RAB7B: variants seen among roughly 807,000 people sequenced by gnomAD.
RAB7B encodes the protein ras-related protein Rab-7b.
chr1:205,992,659 T>C lies in RAB7B; in HGVS notation c.217A>G (p.Met73Val), dbSNP rs1349213747. 5.0e-6 allele frequency: 2 copies of C among 398,670 alleles called. No homozygotes were observed. Among genetic ancestry groups the C allele is most frequent in the Non-Finnish European group, 8.8e-6 (2 of 226,200 alleles). 24.7% of individuals were successfully genotyped at this position (398,670 alleles called of 1,614,324 possible). The part of the protein sequence containing the change: ...DTGGQERFRS[M>V]VSTFYKGSDG... ...GAGCCCTTGTAGAACGTGGACACCA[T>C]GGAGCGGAACCGCTCCTGACCGCCC... The change falls in exon 4 of 6, where the codon ATG (methionine) becomes GTG (valine). Residue 73 changes from methionine to valine, a missense_variant. Met to Val is a conservative substitution (Grantham distance 21, BLOSUM62 1). Coordinates refer to ENST00000617070, the MANE Select transcript of RAB7B (RefSeq NM_001164522.3).
At chr1:205,986,471 TC>T (rs1456055513) in intron 4 of RAB7B, among the ~76,000 whole-genome samples, 14 of 152,218 alleles carry the variant, frequency 9.2e-5, no homozygotes, top group Admixed American at 9.2e-4. Context: ...CCCCCTGGCA[TC>T]TGAGCTGCCC....
At chr1:205,998,688 G>C (rs929235196) in intron 1 of RAB7B, among the ~76,000 whole-genome samples, 1 of 152,208 alleles carries the variant, frequency 6.6e-6, no homozygotes, top group Non-Finnish European at 1.5e-5. Context: ...GCTGGAGTAC[G>C]TCTCACGTTA....
intron 5 of RAB7B, among the ~76,000 whole-genome samples, chr1:205,980,778 C>T (rs997760123): frequency 3.9e-5 from 6 of 152,076 alleles, no homozygotes; most frequent in African/African-American, 1.4e-4. Flanking sequence ...CCTGAAAAGC[C>T]CCAGCAGGGA....
chr1:205,999,924 T>C (rs1388013230), intron 1 of RAB7B, among the ~76,000 whole-genome samples: 1 of 152,180 alleles, frequency 6.6e-6, no homozygotes, highest in Non-Finnish European at 1.5e-5. Flanking sequence ...TATGCCACCA[T>C]GCCAGGCAGA....
At chr1:205,988,920 C>T (rs1444008433) in intron 4 of RAB7B, among the ~76,000 whole-genome samples, 2 of 152,274 alleles carry the variant, frequency 1.3e-5, no homozygotes, top group South Asian at 2.1e-4. Flanking sequence ...TGAGGGCCGG[C>T]ACTTCCCAGC....
intron 4 of RAB7B, among the ~76,000 whole-genome samples, chr1:205,988,304 C>CT (rs1660651454): frequency 6.8e-6 from 1 of 146,148 alleles, no homozygotes; most frequent in Admixed American, 7.0e-5. Context: ...TCTTGGCTCA[C>CT]TGCAGCCTCT....
At chr1:205,997,247 C>CA (rs1660822773) in intron 1 of RAB7B, among the ~76,000 whole-genome samples, 1 of 152,108 alleles carries the variant, frequency 6.6e-6, no homozygotes. Context: ...AGAGATGGAG[C>CA]AAATAGGAAC....
chr1:205,982,832 A>G (rs1660520469), intron 5 of RAB7B, among the ~76,000 whole-genome samples: 1 of 152,230 alleles, frequency 6.6e-6, no homozygotes, highest in Non-Finnish European at 1.5e-5. Flanking sequence ...CCTTATAGGA[A>G]ATGCCTCTGA....
intron 4 of RAB7B, among the ~76,000 whole-genome samples, chr1:205,989,794 T>C (rs1217559923): frequency 1.3e-5 from 2 of 152,174 alleles, no homozygotes; most frequent in Admixed American, 6.5e-5. Flanking sequence ...TCCTTGCTCC[T>C]GGCTGGTACC....
intron 1 of RAB7B, among the ~76,000 whole-genome samples, chr1:205,996,087 CTTT>C (rs36183142): frequency 7.2e-6 from 1 of 138,172 alleles, no homozygotes. Flanking sequence ...TTAATACATT[CTTT>C]TTTTTTTTTA....
chr1:205,999,217 A>G (rs1660854113), intron 1 of RAB7B, among the ~76,000 whole-genome samples: 2 of 152,182 alleles, frequency 1.3e-5, no homozygotes, highest in Non-Finnish European at 2.9e-5. Context: ...AGGACGAGGA[A>G]GGTAGAAGGT....
At position 205,992,623 on chromosome 1, in the gene RAB7B, T is replaced by C; in HGVS notation, c.253A>G (p.Ile85Val). Reference protein sequence around the residue: ...STFYKGSDGCILAFDVTDLES... With the variant: ...STFYKGSDGCVLAFDVTDLES... ...AGGTCGGTGACATCAAAAGCTAGGA[T>C]GCAGCCATCGGAGCCCTTGTAGAAC... Residue 85 changes from isoleucine (I) to valine (V), a missense_variant, in exon 4 of 6, where the codon ATC (isoleucine) becomes GTC (valine). By Grantham distance (29) the Ile-to-Val change is conservative (BLOSUM62 3). Coordinates refer to ENST00000617070, the MANE Select transcript of RAB7B (RefSeq NM_001164522.3). The C allele has an allele frequency of 2.5e-6, 1 of 398,744 alleles. No homozygotes were observed. Among genetic ancestry groups the C allele is most frequent in the Non-Finnish European group, 4.4e-6 (1 of 226,170 alleles). The allele number at this position is 398,744 out of a possible 1,614,324, so 24.7% of individuals were successfully genotyped here. A position where few individuals can be genotyped will look rare whatever the true frequency, so the allele number is the denominator to read the frequency against.
chr1:205,990,810 T>A (rs1297623153), intron 4 of RAB7B, among the ~76,000 whole-genome samples: 1 of 109,586 alleles, frequency 9.1e-6, no homozygotes, highest in Non-Finnish European at 1.9e-5. Flanking sequence ...TTTTTTGAGA[T>A]GAAGTCTCGC....
intron 4 of RAB7B, among the ~76,000 whole-genome samples, chr1:205,987,571 T>TAAAC (rs1247367020): frequency 6.6e-5 from 10 of 152,210 alleles, no homozygotes; most frequent in Non-Finnish European, 1.3e-4. Flanking sequence ...ACTAAACCAT[T>TAAAC]AAACCATCAC....
chr1:205,995,397 T>C (rs1660793256), intron 1 of RAB7B, among the ~76,000 whole-genome samples: 1 of 152,226 alleles, frequency 6.6e-6, no homozygotes, highest in South Asian at 2.1e-4. Context: ...ACAGGATATA[T>C]AGACAAAGGA....
chr1:205,999,407 A>G (rs994803693), intron 1 of RAB7B, among the ~76,000 whole-genome samples: 24 of 152,374 alleles, frequency 1.6e-4, no homozygotes, highest in African/African-American at 5.8e-4. Flanking sequence ...AAGGAAATTA[A>G]CATTTCAAAA....
intron 4 of RAB7B, among the ~76,000 whole-genome samples, chr1:205,991,521 T>C: frequency 6.6e-6 from 1 of 152,356 alleles, no homozygotes; most frequent in South Asian, 2.1e-4. Context: ...AAACTCGCCA[T>C]GTCCAAACCA....
chr1:205,989,036 C>T (rs1269139122), intron 4 of RAB7B, among the ~76,000 whole-genome samples: 1 of 152,056 alleles, frequency 6.6e-6, no homozygotes, highest in Non-Finnish European at 1.5e-5. Context: ...CACTGTCGCT[C>T]AGTGCCTCCT....
In RAB7B at chr1:205,978,566, A is replaced by G. The variant is rs2102629472; in HGVS notation, c.*285T>C. The G allele has an allele frequency of 3.5e-6, 1 of 288,348 alleles. No homozygotes were observed. The highest frequency in any genetic ancestry group is 6.4e-6 in the Non-Finnish European group (1 of 156,244). The allele number at this position is 288,348 out of a possible 1,614,324, so 17.9% of individuals were successfully genotyped here. ...GTTTGAGGGGTGGATGGGTGGGGAA[A>G]GCTGGAGCCACTGCGGAAACGGTGA... On this transcript the variant is annotated 3_prime_UTR_variant, in exon 6 of 6. Transcript: ENST00000617070.
Sources: gnomAD v4.1 joint callset for allele counts (sites outside exome capture counted in the v4.1 genomes callset) on GRCh38, gnomAD v4.1.1 for gene constraint, MANE v1.5 for transcripts, NCBI Gene and HGNC (gene_info 2026-07-23, HGNC 2026-07-21) for gene names.